TMEM132C: variants seen among roughly 807,000 people sequenced by gnomAD.
The protein encoded by TMEM132C is protein phosphatase 1, regulatory subunit 152.
In TMEM132C, 29 loss-of-function variants were observed where a neutral mutation model predicts 61.4. The observed-to-expected ratio is 0.47, with a 90% CI of 0.35 to 0.64. TMEM132C has a LOEUF of 0.64. TMEM132C is among the 30% of genes least tolerant of loss of function. The pLI is 0.00. For synonymous variants in TMEM132C, 656 were observed against 633.1 expected (o/e 1.04, Z -0.54); for missense variants, 1,408 against 1,476.9 (o/e 0.95, Z 0.76).
intron 2 of TMEM132C, among the ~76,000 whole-genome samples, chr12:128,467,885 C>A (rs1258038283): frequency 6.6e-6 from 1 of 152,166 alleles, no homozygotes; most frequent in Non-Finnish European, 1.5e-5. Context: ...TGTGTTACAC[C>A]AGGATGCTCC....
At chr12:128,493,459 G>A (rs1241267471) in intron 2 of TMEM132C, among the ~76,000 whole-genome samples, 6 of 152,078 alleles carry the variant, frequency 3.9e-5, no homozygotes, top group African/African-American at 1.4e-4. Flanking sequence ...CATTTTCACA[G>A]TATTGATTCT....
intron 5 of TMEM132C, among the ~76,000 whole-genome samples, chr12:128,691,268 C>G (rs958090070): frequency 6.6e-6 from 1 of 152,244 alleles, no homozygotes; most frequent in African/African-American, 2.4e-5. Flanking sequence ...TGAGCACTTT[C>G]TAGAAACTTT....
chr12:128,306,297 G>A (rs575977584), intron 1 of TMEM132C, among the ~76,000 whole-genome samples: 22 of 149,778 alleles, frequency 1.5e-4, no homozygotes, highest in Non-Finnish European at 3.0e-4. Flanking sequence ...CTGCCCCCCG[G>A]GTTCTGCCAT....
At chr12:128,657,237 C>T (rs561411133) in intron 4 of TMEM132C, among the ~76,000 whole-genome samples, 1 of 152,204 alleles carries the variant, frequency 6.6e-6, no homozygotes, top group East Asian at 1.9e-4. Flanking sequence ...TCCTTCTCCT[C>T]CTTCCCCCAA....
At chr12:128,591,417 C>T (rs552228631) in intron 3 of TMEM132C, among the ~76,000 whole-genome samples, 6 of 152,222 alleles carry the variant, frequency 3.9e-5, no homozygotes, top group South Asian at 2.1e-4. Flanking sequence ...TCTGAGGGGT[C>T]GTCCATGCCT....
chr12:128,648,430 A>C (rs976771694), intron 4 of TMEM132C, among the ~76,000 whole-genome samples: 6 of 151,194 alleles, frequency 4.0e-5, no homozygotes, highest in African/African-American at 1.5e-4. Context: ...GAGTGTGTTT[A>C]CTGGAGTCCA....
At chr12:128,501,829 G>C (rs1872191675) in intron 2 of TMEM132C, among the ~76,000 whole-genome samples, 1 of 152,216 alleles carries the variant, frequency 6.6e-6, no homozygotes, top group Non-Finnish European at 1.5e-5. Context: ...TGGGTGGAAA[G>C]AAACCTGTTA....
chr12:128,360,626 C>T (rs1359105985), intron 1 of TMEM132C, among the ~76,000 whole-genome samples: 1 of 152,112 alleles, frequency 6.6e-6, no homozygotes, highest in East Asian at 1.9e-4. Context: ...TGTATCTCAG[C>T]CTGAATCATC....
At position 128,604,417 on chromosome 12, in the gene TMEM132C, A is replaced by AT. The variant is rs1876326939; in HGVS notation, c.1122-11734dup. 3.4e-5 allele frequency among the ~76,000 whole-genome samples: 5 copies of AT among 147,994 alleles called. No individual in the cohort carries two copies. The South Asian group carries it at 1.1e-3, about 32-fold the overall frequency. On this transcript the variant is annotated intron_variant, in intron 3 of 8. Coordinates refer to ENST00000435159, the MANE Select transcript of TMEM132C (RefSeq NM_001136103.3). ...TAAATAATGGATGGAAGATAGATAG[A>AT]TAGATAGATAGATAGATAGATAGAT...
At chr12:128,594,690 T>C (rs1297002801) in intron 3 of TMEM132C, among the ~76,000 whole-genome samples, 1 of 152,194 alleles carries the variant, frequency 6.6e-6, no homozygotes, top group African/African-American at 2.4e-5. Flanking sequence ...GATGATGTTT[T>C]CCATTTCCAG....
intron 3 of TMEM132C, among the ~76,000 whole-genome samples, chr12:128,552,163 A>G (rs1161465114): frequency 1.3e-5 from 2 of 152,206 alleles, no homozygotes; most frequent in African/African-American, 4.8e-5. Context: ...GGTGCTGAAC[A>G]CCTTCACTTC....
At chr12:128,401,576 T>C (rs940355805) in intron 1 of TMEM132C, among the ~76,000 whole-genome samples, 13 of 152,178 alleles carry the variant, frequency 8.5e-5, no homozygotes, top group African/African-American at 2.9e-4. Flanking sequence ...TCGGAAAGGA[T>C]CAACGACTTT....
chr12:128,626,335 G>T (rs1476352178), intron 4 of TMEM132C, among the ~76,000 whole-genome samples: 1 of 151,320 alleles, frequency 6.6e-6, no homozygotes, highest in Non-Finnish European at 1.5e-5. Flanking sequence ...TCACCATGTT[G>T]ACCAGGCTGG....
intron 1 of TMEM132C, among the ~76,000 whole-genome samples, chr12:128,343,658 A>G (rs994516734): frequency 1.2e-4 from 18 of 152,192 alleles, no homozygotes; most frequent in Non-Finnish European, 2.2e-4. Flanking sequence ...AGCCAATGAC[A>G]TTTAATATAT....
chr12:128,567,500 G>C (rs958509953), intron 3 of TMEM132C, among the ~76,000 whole-genome samples: 4 of 151,802 alleles, frequency 2.6e-5, no homozygotes, highest in Non-Finnish European at 5.9e-5. Flanking sequence ...GAAAGTGATA[G>C]AGGTGACTAC....
At chr12:128,354,998 T>G (rs1019031424) in intron 1 of TMEM132C, among the ~76,000 whole-genome samples, 2 of 152,200 alleles carry the variant, frequency 1.3e-5, no homozygotes, top group African/African-American at 4.8e-5. Flanking sequence ...CTAGAGGGAA[T>G]GTGGGCAAAC....
At chr12:128,682,511 G>T (rs1167284443) in intron 5 of TMEM132C, among the ~76,000 whole-genome samples, 1 of 152,162 alleles carries the variant, frequency 6.6e-6, no homozygotes, top group Non-Finnish European at 1.5e-5. Flanking sequence ...CTGCCCGTTG[G>T]TTCTCCTAGG....
At chr12:128,495,623 A>C (rs1871920981) in intron 2 of TMEM132C, among the ~76,000 whole-genome samples, 1 of 152,020 alleles carries the variant, frequency 6.6e-6, no homozygotes, top group Non-Finnish European at 1.5e-5. Context: ...TGTTGGTTTA[A>C]AGTCTGTTTT....
At chr12:128,463,211 A>G (rs1390127583) in intron 2 of TMEM132C, among the ~76,000 whole-genome samples, 1 of 152,216 alleles carries the variant, frequency 6.6e-6, no homozygotes, top group Non-Finnish European at 1.5e-5. Flanking sequence ...TACCGCAATT[A>G]TATCAGATGG....
Sources: allele counts gnomAD v4.1 joint callset (sites outside exome capture counted in the v4.1 genomes callset), GRCh38; gene constraint gnomAD v4.1.1; transcripts MANE v1.5; gene names NCBI Gene and HGNC (gene_info 2026-07-23, HGNC 2026-07-21).